Variants in AJAP1 observed in about 807,000 individuals in gnomAD.
AJAP1 encodes adherens junctions associated protein 1.
In AJAP1, 5 loss-of-function variants were observed where a neutral mutation model predicts 35.0. That is an observed-to-expected ratio of 0.14 (90% confidence interval 0.07 to 0.30). The LOEUF (loss-of-function observed/expected upper bound fraction) is 0.30. Ranked by LOEUF, AJAP1 falls within the 10% of genes least tolerant of loss-of-function variation. The probability of loss-of-function intolerance (pLI) is 1.00; values close to 1 mark genes in which losing one functional copy is unlikely to be tolerated. For synonymous variants in AJAP1, 284 were observed against 249.3 expected, an observed-to-expected ratio of 1.14 and a Z score of -1.31; for missense variants, 586 against 571.0, an observed-to-expected ratio of 1.03 and a Z score of -0.27.
At chr1:4,768,314 A>G in intron 2 of AJAP1, among the ~76,000 whole-genome samples, 1 of 140,456 alleles carries the variant, frequency 7.1e-6, no homozygotes, top group East Asian at 1.9e-4. Flanking sequence ...TGTTTCCTCC[A>G]CTGTTTGCCG....
intron 1 of AJAP1, among the ~76,000 whole-genome samples, chr1:4,695,964 T>C (rs12742349): frequency 3.0e-4 from 45 of 151,112 alleles, no homozygotes; most frequent in Admixed American, 2.7e-3. Context: ...TACTGGGGGG[T>C]TCATCAATAC....
chr1:4,753,571 CTGTTTT>C (rs1367825749), intron 2 of AJAP1, among the ~76,000 whole-genome samples: 1 of 151,944 alleles, frequency 6.6e-6, no homozygotes, highest in Non-Finnish European at 1.5e-5. Flanking sequence ...ATATTAATCG[CTGTTTT>C]TGTTTTTGTT....
chr1:4,656,358 G>T lies in AJAP1; in HGVS notation c.29+904G>T, dbSNP rs1184276515. ...GCTGCCTCTGAGCCCTCGCCCTCCT[G>T]CCGGGGCATTCACCGAGCTCGTGCA... On this transcript the variant is annotated intron_variant, in intron 1 of 5. Transcript: ENST00000378191. The surrounding 1 kb of genome is among the most constrained non-coding windows in gnomAD (Gnocchi z 5.7). Among the ~76,000 whole-genome samples the T allele has an allele frequency of 1.3e-5, 2 of 152,232 alleles. No individual in the cohort carries two copies. The highest frequency in any genetic ancestry group is 2.9e-5 in the Non-Finnish European group (2 of 68,046).
intron 1 of AJAP1, among the ~76,000 whole-genome samples, chr1:4,702,817 C>T (rs556112927): frequency 1.2e-4 from 18 of 152,288 alleles, no homozygotes; most frequent in South Asian, 2.1e-4. Flanking sequence ...GGGGAAGCTT[C>T]GTGGGCCTTG....
chr1:4,710,495 ACACT>A (rs368294145), intron 1 of AJAP1, among the ~76,000 whole-genome samples: 44 of 152,244 alleles, frequency 2.9e-4, no homozygotes, highest in Non-Finnish European at 3.2e-4. Context: ...CTACACGCAC[ACACT>A]CACACACTTG....
intron 2 of AJAP1, among the ~76,000 whole-genome samples, chr1:4,726,678 A>G (rs1269940224): frequency 2.0e-5 from 3 of 152,152 alleles, no homozygotes; most frequent in Non-Finnish European, 4.4e-5. Flanking sequence ...TCCACTCTCC[A>G]GAAATCCTGA....
chr1:4,787,092 C>T lies in AJAP1; in HGVS notation c.*4607C>T, dbSNP rs1328438149. On this transcript the variant is annotated 3_prime_UTR_variant, in exon 6 of 6. Transcript: ENST00000378191. ...CATTGGAGAGAAACAACCCGTTCTG[C>T]ATCACCATAATGAACCGATCAGTCA... The T allele has an allele frequency of 6.6e-6, 1 of 152,408 alleles. No homozygotes were observed. The highest frequency in any genetic ancestry group is 1.5e-5 in the Non-Finnish European group (1 of 68,200). The allele number at this position is 152,408 out of a possible 1,614,324, so 9.4% of individuals were successfully genotyped here. A position where few individuals can be genotyped will look rare whatever the true frequency, so the allele number is the denominator to read the frequency against.
At chr1:4,737,810 G>A (rs1217443932) in intron 2 of AJAP1, among the ~76,000 whole-genome samples, 2 of 152,332 alleles carry the variant, frequency 1.3e-5, no homozygotes, top group African/African-American at 2.4e-5. Flanking sequence ...GCTGAGGCAG[G>A]TGGATCGCTT....
Position 4,783,810 on chromosome 1 carries a change from T to C in AJAP1, c.*1325T>C, listed in dbSNP as rs1024669674. On this transcript the variant is annotated 3_prime_UTR_variant, in exon 6 of 6. Coordinates refer to ENST00000378191, the MANE Select transcript of AJAP1 (RefSeq NM_018836.4). ...ATCCTTATGATGTGTGTGTGTAATA[T>C]CAGGGCAGAACTTAGACATACGTGA... 2.6e-5 allele frequency: 4 copies of C among 151,974 alleles called. No homozygotes were observed. The highest frequency in any genetic ancestry group is 2.6e-4 in the Admixed American group (4 of 15,250). The allele number at this position is 151,974 out of a possible 1,614,324, so 9.4% of individuals were successfully genotyped here. A position where few individuals can be genotyped will look rare whatever the true frequency, so the allele number is the denominator to read the frequency against.
chr1:4,704,105 T>TA (rs1640048214), intron 1 of AJAP1, among the ~76,000 whole-genome samples: 2 of 151,674 alleles, frequency 1.3e-5, no homozygotes, highest in Admixed American at 1.3e-4. Context: ...ATTACCCCCT[T>TA]ACACTAGCCA....
intron 5 of AJAP1, among the ~76,000 whole-genome samples, chr1:4,781,689 A>T (rs922138324): frequency 7.2e-5 from 11 of 152,208 alleles, no homozygotes; most frequent in Admixed American, 2.0e-4. Flanking sequence ...AGGGACCCAG[A>T]CAGCACCCCA....
chr1:4,709,030 T>C (rs1025719554), intron 1 of AJAP1, among the ~76,000 whole-genome samples: 1 of 152,234 alleles, frequency 6.6e-6, no homozygotes, highest in African/African-American at 2.4e-5. Context: ...TGAGGGGGTT[T>C]CTATAGTAAC....
intron 1 of AJAP1, among the ~76,000 whole-genome samples, chr1:4,664,310 T>C (rs1639067699): frequency 6.6e-6 from 1 of 152,212 alleles, no homozygotes; most frequent in South Asian, 2.1e-4. Context: ...CAGCCAAGTA[T>C]GGGATTTGAG....
At chr1:4,766,315 G>C (rs1394706189) in intron 2 of AJAP1, among the ~76,000 whole-genome samples, 1 of 152,180 alleles carries the variant, frequency 6.6e-6, no homozygotes, top group South Asian at 2.1e-4. Context: ...GAAAAGGTTT[G>C]TCTACCTGGG....
rs1484636068 is a variant in AJAP1 at position 4,693,202 on chromosome 1, A to G, written c.30-18698A>G. Among the ~76,000 whole-genome samples, 4 of 152,108 alleles carry G rather than the reference A, an allele frequency of 2.6e-5. No individual in the cohort carries two copies. Among genetic ancestry groups the G allele is most frequent in the African/African-American group, 9.7e-5 (4 of 41,442 alleles). ...GAAGGCCCCATGCTGCCCAGGATTC[A>G]AAGGCCCACCCGAGTGGGGAGGCGC... On this transcript the variant is annotated intron_variant, in intron 1 of 5. Coordinates refer to ENST00000378191, the MANE Select transcript of AJAP1 (RefSeq NM_018836.4). The surrounding 1 kb of genome is among the most constrained non-coding windows in gnomAD (Gnocchi z 4.4).
At position 4,712,559 on chromosome 1, in the gene AJAP1, C is replaced by T. The variant is rs199677222; in HGVS notation, c.689C>T (p.Thr230Met). The T allele has an allele frequency of 2.4e-5, 38 of 1,612,396 alleles. No individual in the cohort carries two copies. The highest frequency in any genetic ancestry group is 1.1e-5 in the South Asian group (1 of 90,590). ...TTTTTTATPMTLQTKGFTESL... is the reference protein window; with the variant it reads ...TTTTTTATPMMLQTKGFTESL... ...ACCACCACCACGGCCACCCCCATGA[C>T]GCTGCAGACTAAGGGGTTCACCGAG... Residue 230 changes from threonine (T) to methionine (M), a missense_variant, in exon 2 of 6, where the codon ACG becomes ATG. Coordinates refer to ENST00000378191, the MANE Select transcript of AJAP1 (RefSeq NM_018836.4).
intron 1 of AJAP1, 45 bp from the exon 2 acceptor site, chr1:4,711,855 C>T (rs1557620550): frequency 7.1e-7 from 1 of 1,417,612 alleles, no homozygotes; most frequent in Non-Finnish European, 9.3e-7. Flanking sequence ...AGTCCCCCTC[C>T]TGGGCTTCCA....
chr1:4,725,452 G>T (rs1640633305), intron 2 of AJAP1, among the ~76,000 whole-genome samples: 2 of 152,170 alleles, frequency 1.3e-5, no homozygotes, highest in Admixed American at 1.3e-4. Context: ...GCTTGCTTGT[G>T]ACAGATGCTC....
At chr1:4,708,053 C>G (rs1246638406) in intron 1 of AJAP1, among the ~76,000 whole-genome samples, 1 of 150,984 alleles carries the variant, frequency 6.6e-6, no homozygotes, top group Non-Finnish European at 1.5e-5. Context: ...CTGCAACCTC[C>G]GCCTCCTGGG....
Sources: gnomAD v4.1 joint callset for allele counts (sites outside exome capture counted in the v4.1 genomes callset) on GRCh38, gnomAD v4.1.1 for gene constraint, Gnocchi (gnomAD v3.1) non-coding constraint, MANE v1.5 for transcripts, NCBI Gene and HGNC (gene_info 2026-07-23, HGNC 2026-07-21) for gene names.